The following C3 variants were observed in gnomAD, a reference collection of about 807,000 sequenced individuals.
C3 encodes C3 and PZP-like alpha-2-macroglobulin domain-containing protein 1.
A neutral mutation model predicts 207.9 loss-of-function variants in C3; 97 were observed. The observed-to-expected ratio is 0.47, with a 90% CI of 0.40 to 0.55. The LOEUF (loss-of-function observed/expected upper bound fraction) is 0.55. Among genes scored for constraint, C3 ranks in the 20% least tolerant of loss-of-function variants. C3 has a pLI of 0.00. For missense variants in C3, 1,684 were observed against 2,171.7 expected, an observed-to-expected ratio of 0.78 and a Z score of 4.46; for synonymous variants, 848 against 857.6, an observed-to-expected ratio of 0.99 and a Z score of 0.20.
intron 33 of C3, 185 bp downstream of exon 33, chr19:6,684,203 T>C: frequency 1.4e-6 from 1 of 701,222 alleles, no homozygotes; most frequent in Non-Finnish European, 2.6e-6. Flanking sequence ...TGGTCATTGC[T>C]GTGGTCTCAC....
At chr19:6,704,371 T>C (rs1212795037) in intron 17 of C3, among the ~76,000 whole-genome samples, 5 of 152,194 alleles carry the variant, frequency 3.3e-5, no homozygotes, top group Non-Finnish European at 7.3e-5. Context: ...TGACTCAAAC[T>C]GCACTTTCCT....
intron 14 of C3, 65 bp from the exon 15 acceptor site, chr19:6,707,994 A>G: frequency 6.3e-7 from 1 of 1,596,144 alleles, no homozygotes; most frequent in Non-Finnish European, 8.5e-7. Flanking sequence ...TCCCCCACAT[A>G]TGCACCTGTG....
chr19:6,717,373 T>C (rs1010564304), intron 4 of C3: 15 of 163,760 alleles, frequency 9.2e-5, no homozygotes, highest in Non-Finnish European at 1.9e-4. Context: ...CACTGCTCCC[T>C]GGGGTCTCCC....
At chr19:6,697,056 A>AAT (rs1568217213) in intron 21 of C3, among the ~76,000 whole-genome samples, 1 of 84,480 alleles carries the variant, frequency 1.2e-5, no homozygotes, top group African/African-American at 5.5e-5. Context: ...AAATAAACAA[A>AAT]CAAATAAATA....
Position 6,678,174 on chromosome 19 carries a change from C to G in C3, c.4828G>C (p.Asp1610His). Residue 1610 changes from aspartate to histidine, a missense_variant, in exon 40 of 41, where the codon GAT becomes CAT. Physicochemically the swap from Asp to His is moderately conservative, Grantham distance 81 (BLOSUM62 -1). Around this residue, in one of 3 missense-constraint regions of C3, gnomAD observed 346 missense variants for 380.1 expected, o/e 0.91. Transcript: ENST00000245907. ...CACTTGGGCTTCTCTCCCCAGAAAT[C>G]GGAGGAGAGACCCCACATGAGGTAG... ...KHYLMWGLSSDFWGEKPNLSY... is the reference protein window; with the variant it reads ...KHYLMWGLSSHFWGEKPNLSY... 2 of 1,614,194 alleles carry G rather than the reference C, an allele frequency of 1.2e-6. No individual in the cohort carries two copies. Among genetic ancestry groups the G allele is most frequent in the Non-Finnish European group, 1.7e-6 (2 of 1,180,026 alleles).
rs1227236319 is a variant in C3, at chr19:6,712,431, G to A, written c.1120-25C>T. 3.7e-6 allele frequency: 6 copies of A among 1,614,054 alleles called. No homozygotes were observed. In the African/African-American group the frequency reaches 5.3e-5, roughly 14 times the overall value. Reference sequence around the variant, plus strand: ...CCTGTGATGTGGGGTGCAGGTGGGGGAAGTTCAGGCAGGCTCAGGGCTGTG... The same window carrying A: ...CCTGTGATGTGGGGTGCAGGTGGGGAAAGTTCAGGCAGGCTCAGGGCTGTG... On this transcript the variant is annotated intron_variant, in intron 10 of 40. Coordinates refer to ENST00000245907, the MANE Select transcript of C3 (RefSeq NM_000064.4).
Position 6,712,639 on chromosome 19 carries a change from G to C in C3, c.1004-16C>G, listed in dbSNP as rs377376448. On this transcript the variant is annotated splice_polypyrimidine_tract_variant and intron_variant, in intron 9 of 40. Coordinates refer to ENST00000245907, the MANE Select transcript of C3 (RefSeq NM_000064.4). ...ATGTCACTGCCTGAGGGGACCAGCTGTGAGTGTAGGCTTCTGGGCCACCCC... is the reference window on the plus strand; with the variant it reads ...ATGTCACTGCCTGAGGGGACCAGCTCTGAGTGTAGGCTTCTGGGCCACCCC... The C allele has an allele frequency of 3.1e-6, 5 of 1,606,576 alleles. No homozygotes were observed. The African/African-American group carries it at 6.7e-5, about 21-fold the overall frequency.
In C3 at chr19:6,686,841, T is replaced by C. The variant is rs1237544125; in HGVS notation, c.3551A>G (p.Gln1184Arg). Residue 1184 changes from glutamine (Q) to arginine (R), a missense_variant, in exon 28 of 41, where the codon CAG becomes CGG. By Grantham distance (43) the Gln-to-Arg change is conservative. Around this residue, in one of 3 missense-constraint regions of C3, gnomAD observed 1,280 missense variants for 1,739.1 expected, o/e 0.74. Transcript: ENST00000245907. ...AGCAATGGCCACAGTGTAGGATCTC[T>C]GTAGGTTCATGTAGTTGGCTTCAAG... ...DFLEANYMNLQRSYTVAIAGY... is the reference protein window; with the variant it reads ...DFLEANYMNLRRSYTVAIAGY... The C allele has an allele frequency of 3.1e-6, 5 of 1,613,626 alleles. No homozygotes were observed. In the Admixed American group the frequency reaches 8.3e-5, roughly 27 times the overall value.
At position 6,682,246 on chromosome 19, in the gene C3, G is replaced by A. The variant is rs1917883629; in HGVS notation, c.4173-17C>T. On this transcript the variant is annotated splice_polypyrimidine_tract_variant and intron_variant, in intron 33 of 40. Transcript: ENST00000245907. ...CCCCGGTACCTGGATAGTGCAGAAA[G>A]AAGGGCATTGGGTCCCAAGGAGGGG... is the stretch of plus-strand genomic sequence containing the variant. 6.3e-7 allele frequency: 1 copy of A among 1,599,258 alleles called. No individual in the cohort carries two copies. The highest frequency in any genetic ancestry group is 1.1e-5 in the South Asian group (1 of 90,832).
At chr19:6,720,024 C>A (rs954979892) in intron 1 of C3, among the ~76,000 whole-genome samples, 3 of 152,168 alleles carry the variant, frequency 2.0e-5, no homozygotes, top group Admixed American at 2.0e-4. Flanking sequence ...AAGCTGCAAA[C>A]TCCCAAATCT....
chr19:6,702,257 G>C (rs755182352), intron 18 of C3, 45 bp from the exon 19 acceptor site: 11 of 1,238,732 alleles, frequency 8.9e-6, no homozygotes, highest in South Asian at 1.2e-5. Flanking sequence ...TCATCTAGCA[G>C]GGTGGTAGAG....
At chr19:6,683,326 A>G (rs917724051) in intron 33 of C3, 1 of 148,714 alleles carries the variant, frequency 6.7e-6, no homozygotes, top group Non-Finnish European at 1.5e-5. Context: ...CATACAAAGG[A>G]AAAAAAAAAC....
chr19:6,690,813 G>A, intron 26 of C3, 86 bp from the exon 27 acceptor site: 2 of 1,065,994 alleles, frequency 1.9e-6, no homozygotes, highest in Non-Finnish European at 2.9e-6. Flanking sequence ...CAGAATCAGG[G>A]GGTCTGGGCA....
At chr19:6,687,311 C>T (rs905781132) in intron 27 of C3, among the ~76,000 whole-genome samples, 12 of 152,142 alleles carry the variant, frequency 7.9e-5, no homozygotes, top group East Asian at 3.8e-4. Flanking sequence ...AACTAGTATG[C>T]GCCAGATTCA....
At chr19:6,693,973 G>A (rs1918236225) in intron 24 of C3, among the ~76,000 whole-genome samples, 1 of 135,174 alleles carries the variant, frequency 7.4e-6, no homozygotes, top group African/African-American at 3.1e-5. Context: ...AGAGGTGGGA[G>A]GCCCTCAGGG....
At chr19:6,704,580 G>A (rs1415280263) in intron 17 of C3, among the ~76,000 whole-genome samples, 12 of 152,132 alleles carry the variant, frequency 7.9e-5, no homozygotes, top group African/African-American at 2.9e-4. Context: ...CCAACACGGT[G>A]AAACCTCTTT....
chr19:6,691,855 C>T (rs1254754256), intron 26 of C3, among the ~76,000 whole-genome samples: 3 of 151,986 alleles, frequency 2.0e-5, no homozygotes, highest in Non-Finnish European at 4.4e-5. Flanking sequence ...CATGGTGGAG[C>T]GGGCACCTGT....
chr19:6,688,537 T>G (rs1472453409), intron 27 of C3, among the ~76,000 whole-genome samples: 1 of 151,684 alleles, frequency 6.6e-6, no homozygotes, highest in East Asian at 2.0e-4. Context: ...TTTTTTTTTT[T>G]GAAAAGGAGT....
rs201865666 is a variant in C3, at chr19:6,690,658, C to T, written c.3460G>A (p.Ala1154Thr). ...TAFVLISLQEAKDICEEQVNS... is the reference protein window; with the variant it reads ...TAFVLISLQETKDICEEQVNS... ...ACCTGCTCCTCGCAAATATCTTTAG[C>T]CTCCTGCAGCGAGATGAGAACAAAG... The change falls in exon 27 of 41, where the codon GCT (alanine) becomes ACT (threonine). Residue 1154 changes from alanine to threonine, a missense_variant. Around this residue, in one of 3 missense-constraint regions of C3, gnomAD observed 1,280 missense variants for 1,739.1 expected, o/e 0.74. Coordinates refer to ENST00000245907, the MANE Select transcript of C3 (RefSeq NM_000064.4). The T allele has an allele frequency of 4.3e-6, 7 of 1,614,222 alleles. No individual in the cohort carries two copies. Among genetic ancestry groups the T allele is most frequent in the Non-Finnish European group, 5.9e-6 (7 of 1,180,020 alleles).
Sources: gnomAD v4.1 joint callset for allele counts (sites outside exome capture counted in the v4.1 genomes callset) on GRCh38, gnomAD v4.1.1 for gene constraint, gnomAD v4.1.1 regional missense constraint, MANE v1.5 for transcripts, NCBI Gene and HGNC (gene_info 2026-07-23, HGNC 2026-07-21) for gene names.